SIKE1: variants seen among roughly 807,000 people sequenced by gnomAD.
SIKE1 encodes the protein suppressor of IKK epsilon.
A neutral mutation model predicts 25.8 loss-of-function variants in SIKE1; 13 were observed. That is an observed-to-expected ratio of 0.50 (90% CI 0.33 to 0.80). The LOEUF is 0.80. SIKE1 is among the 30% of genes least tolerant of loss of function. The pLI is 0.02. For missense variants in SIKE1, 222 were observed against 252.4 expected (o/e 0.88, Z 0.82); for synonymous variants, 86 against 95.5 (o/e 0.90, Z 0.58).
intron 2 of SIKE1, 40 bp from the exon 3 acceptor site, chr1:114,779,324 G>C (rs1662339063): frequency 6.2e-7 from 1 of 1,600,424 alleles, no homozygotes. Context: ...ATGTCTGAGA[G>C]ACAGTTCCCA....
At chr1:114,777,763 A>G (rs776635578) in intron 3 of SIKE1, among the ~76,000 whole-genome samples, 1 of 152,174 alleles carries the variant, frequency 6.6e-6, no homozygotes, top group Non-Finnish European at 1.5e-5. Flanking sequence ...TCTGAAAATT[A>G]TCTATGTCCA....
chr1:114,774,556 G>A (rs907216495), intron 4 of SIKE1, among the ~76,000 whole-genome samples, 184 bp from the exon 5 acceptor site: 4 of 152,096 alleles, frequency 2.6e-5, no homozygotes, highest in Non-Finnish European at 4.4e-5. Flanking sequence ...ACATTTACAT[G>A]TAGGATGTAG....
At chr1:114,775,418 G>A (rs551360588) in intron 4 of SIKE1, among the ~76,000 whole-genome samples, 165 of 150,760 alleles carry the variant, frequency 1.1e-3, no homozygotes, top group South Asian at 6.3e-3. Flanking sequence ...GCAGGTATCT[G>A]TTTTTTTCTC....
In SIKE1 at chr1:114,771,781, C is replaced by T. The variant is rs1662077288; in HGVS notation, c.*2490G>A. 3 of 152,050 alleles carry T rather than the reference C, an allele frequency of 2.0e-5. No individual in the cohort carries two copies. Among genetic ancestry groups the T allele is most frequent in the African/African-American group, 7.2e-5 (3 of 41,392 alleles). The allele number at this position is 152,050 out of a possible 1,614,324, so 9.4% of individuals were successfully genotyped here. On this transcript the variant is annotated 3_prime_UTR_variant, in exon 5 of 5. Coordinates refer to ENST00000060969, the MANE Select transcript of SIKE1 (RefSeq NM_025073.3). ...TACCAGACTTTTTCATTTTTAAATT[C>T]ATAAGTACTAATGAAGTGGTTGGCA... is the stretch of plus-strand genomic sequence containing the variant.
rs185028783 is a variant in SIKE1, at chr1:114,776,885, A to G, written c.409-426T>C. ...ATCAATGATAGACTGGATTAAGAAA[A>G]TGTGGCACATATATACCATGGAATA... On this transcript the variant is annotated intron_variant, in intron 3 of 4. Transcript: ENST00000060969. Among the ~76,000 whole-genome samples the G allele has an allele frequency of 7.9e-3, 1,202 of 152,344 alleles. 9 individuals are homozygous for G. The highest frequency in any genetic ancestry group is 0.027 in the African/African-American group (1,135 of 41,578).
intron 2 of SIKE1, among the ~76,000 whole-genome samples, chr1:114,779,886 C>T (rs1662352351): frequency 6.6e-6 from 1 of 152,120 alleles, no homozygotes; most frequent in Non-Finnish European, 1.5e-5. Context: ...ATAAACCATG[C>T]AATAATACCA....
intron 4 of SIKE1, among the ~76,000 whole-genome samples, chr1:114,775,052 A>T (rs1008116957): frequency 5.3e-5 from 8 of 152,136 alleles, no homozygotes; most frequent in African/African-American, 1.9e-4. Flanking sequence ...TTTGCCCCAC[A>T]TTTCCTTAGG....
Position 114,780,497 on chromosome 1 carries a change from G to A in SIKE1, c.111C>T (p.His37=), listed in dbSNP as rs1221640667. 2 of 1,613,442 alleles carry A rather than the reference G, an allele frequency of 1.2e-6. No individual in the cohort carries two copies. Among genetic ancestry groups the A allele is most frequent in the East Asian group, 2.2e-5 (1 of 44,868 alleles). Residue 37 remains histidine, a synonymous_variant, in exon 1 of 5, where the codon CAC becomes CAT. Coordinates refer to ENST00000060969, the MANE Select transcript of SIKE1 (RefSeq NM_025073.3). ...CCTCCCGCATAGCTGCTACCCGCCG[G>A]TGCAGCGCCGCCGACTGATCCACCA... ...ESLVDQSAAL[H]RRVAAMREAG...
In SIKE1 at chr1:114,772,058, TATA is replaced by T. The variant is rs1662085062; in HGVS notation, c.*2210_*2212del. On this transcript the variant is annotated 3_prime_UTR_variant, in exon 5 of 5. Coordinates refer to ENST00000060969, the MANE Select transcript of SIKE1 (RefSeq NM_025073.3). ...ATAAGAATTATACATAAGATATTGA[TATA>T]ATACTACACTAATATAAGGTACTAT... 4 of 152,166 alleles carry T rather than the reference TATA, an allele frequency of 2.6e-5. No homozygotes were observed. The South Asian group carries it at 8.3e-4, about 31-fold the overall frequency. 9.4% of individuals were successfully genotyped at this position (152,166 alleles called of 1,614,324 possible). A position where few individuals can be genotyped will look rare whatever the true frequency, so the allele number is the denominator to read the frequency against.
chr1:114,780,387 C>T (rs1662368610), intron 1 of SIKE1, 62 bp downstream of exon 1: 1 of 1,610,062 alleles, frequency 6.2e-7, no homozygotes, highest in Admixed American at 1.7e-5. Context: ...CCCACTTTAC[C>T]TCGCTCTCCA....
In SIKE1 at chr1:114,770,736, A is replaced by G. The variant is rs1456033802; in HGVS notation, c.*3535T>C. 1.3e-5 allele frequency: 2 copies of G among 152,258 alleles called. No individual in the cohort carries two copies. The highest frequency in any genetic ancestry group is 4.8e-5 in the African/African-American group (2 of 41,462). The allele number at this position is 152,258 out of a possible 1,614,324, so 9.4% of individuals were successfully genotyped here. ...TCTGCTACAGCCCATTCTCTTGGCC[A>G]TTCAATGTCAACACACTCCTTCAGC... On this transcript the variant is annotated 3_prime_UTR_variant, in exon 5 of 5. Transcript: ENST00000060969.
Position 114,779,221 on chromosome 1 carries a change from T to G in SIKE1, c.329A>C (p.Lys110Thr). The change falls in exon 3 of 5, where the codon AAA (lysine) becomes ACA (threonine). Residue 110 changes from lysine (K) to threonine (T), a missense_variant. Transcript: ENST00000060969. Reference protein sequence around the residue: ...ALELIMSKYRKQMLQLMVAKK... With the variant: ...ALELIMSKYRTQMLQLMVAKK... ...AGCAACCATTAACTGTAACATCTGTTTCCGATATTTGCTCATGATAAGTTC... is the reference window on the plus strand; with the variant it reads ...AGCAACCATTAACTGTAACATCTGTGTCCGATATTTGCTCATGATAAGTTC... The G allele has an allele frequency of 6.2e-7, 1 of 1,614,242 alleles. No individual in the cohort carries two copies. Among genetic ancestry groups the G allele is most frequent in the East Asian group, 2.2e-5 (1 of 44,892 alleles).
At chr1:114,778,777 G>C (rs1276623582) in intron 3 of SIKE1, among the ~76,000 whole-genome samples, 1 of 152,124 alleles carries the variant, frequency 6.6e-6, no homozygotes, top group East Asian at 1.9e-4. Context: ...TATAATCCCA[G>C]CACTTTGGAA....
chr1:114,774,585 A>T (rs1187858373), intron 4 of SIKE1, among the ~76,000 whole-genome samples: 1 of 152,210 alleles, frequency 6.6e-6, no homozygotes, highest in Non-Finnish European at 1.5e-5. Context: ...ACTCTTTTGT[A>T]GTAGTAATTT....
At chr1:114,776,648 A>ATTT (rs34656268) in intron 3 of SIKE1, among the ~76,000 whole-genome samples, 189 bp from the exon 4 acceptor site, 13 of 143,258 alleles carry the variant, frequency 9.1e-5, no homozygotes, top group African/African-American at 3.1e-4. Context: ...ATTCACGGAT[A>ATTT]TTTTTTTTTT....
intron 1 of SIKE1, 113 bp from the exon 2 acceptor site, chr1:114,780,328 T>C (rs1570993020): frequency 6.3e-7 from 1 of 1,584,254 alleles, no homozygotes; most frequent in Non-Finnish European, 8.6e-7. Context: ...CCCAGGAAAA[T>C]GGTCTCACCG....
rs184270435 is a variant in SIKE1 at position 114,780,620 on chromosome 1, A to G, written c.-13T>C. ...TGGTGCAGCTCATAGCAGCAGCACC[A>G]CCCCAGCCCCTGCCGGGCTCAGCTA... On this transcript the variant is annotated 5_prime_UTR_variant, in exon 1 of 5. Transcript: ENST00000060969. 2.3e-4 allele frequency: 369 copies of G among 1,591,216 alleles called. No individual in the cohort carries two copies. The African/African-American group carries it at 4.5e-3, about 19-fold the overall frequency.
At chr1:114,777,767 A>G (rs761707661) in intron 3 of SIKE1, among the ~76,000 whole-genome samples, 1 of 152,162 alleles carries the variant, frequency 6.6e-6, no homozygotes, top group Non-Finnish European at 1.5e-5. Flanking sequence ...AAAATTATCT[A>G]TGTCCAGTGC....
At position 114,770,820 on chromosome 1, in the gene SIKE1, T is replaced by C. The variant is rs552885952; in HGVS notation, c.*3451A>G. Reference sequence around the variant, plus strand: ...ACTTGACAATATAAAGTCACAGACATGTCACAGTCACAGACACTGTTAATT... The same window carrying C: ...ACTTGACAATATAAAGTCACAGACACGTCACAGTCACAGACACTGTTAATT... On this transcript the variant is annotated 3_prime_UTR_variant, in exon 5 of 5. Transcript: ENST00000060969. The C allele has an allele frequency of 2.0e-5, 3 of 152,372 alleles. No homozygotes were observed. In the South Asian group the frequency reaches 6.2e-4, roughly 32 times the overall value. The allele number at this position is 152,372 out of a possible 1,614,324, so 9.4% of individuals were successfully genotyped here.
Sources: gnomAD v4.1 joint callset for allele counts (sites outside exome capture counted in the v4.1 genomes callset) on GRCh38, gnomAD v4.1.1 for gene constraint, MANE v1.5 for transcripts, NCBI Gene and HGNC (gene_info 2026-07-23, HGNC 2026-07-21) for gene names.